The following NKAIN2 variants were observed in gnomAD, a reference collection of about 807,000 sequenced individuals.
The protein encoded by NKAIN2 is sodium/potassium-transporting ATPase subunit beta-1-interacting protein 2.
Under a neutral mutation model 32.6 loss-of-function variants are expected in NKAIN2, and 14 were observed. That is an observed-to-expected ratio of 0.43 (90% CI 0.28 to 0.67). The LOEUF (loss-of-function observed/expected upper bound fraction) is 0.67. Ranked by LOEUF, NKAIN2 falls within the 30% of genes least tolerant of loss-of-function variation. The probability of loss-of-function intolerance (pLI) is 0.17; values close to 1 mark genes in which losing one functional copy is unlikely to be tolerated. For synonymous variants in NKAIN2, 80 were observed against 87.2 expected, an observed-to-expected ratio of 0.92 and a Z score of 0.46; for missense variants, 198 against 258.3, an observed-to-expected ratio of 0.77 and a Z score of 1.60.
At chr6:124,290,076 G>A (rs1356472089) in intron 2 of NKAIN2, among the ~76,000 whole-genome samples, 3 of 151,946 alleles carry the variant, frequency 2.0e-5, no homozygotes, top group African/African-American at 4.8e-5. Context: ...ATCATTACAA[G>A]TTTAATGGAT....
At chr6:124,533,184 A>G (rs796703592) in intron 3 of NKAIN2, among the ~76,000 whole-genome samples, 8 of 152,282 alleles carry the variant, frequency 5.3e-5, no homozygotes, top group African/African-American at 1.9e-4. Context: ...TGATAAAAGG[A>G]AGAGGCAGGA....
intron 1 of NKAIN2, among the ~76,000 whole-genome samples, chr6:124,190,843 C>T (rs547649509): frequency 6.6e-6 from 1 of 152,176 alleles, no homozygotes; most frequent in East Asian, 1.9e-4. Flanking sequence ...TTTTTGAATT[C>T]TTTAGAAAAT....
At chr6:124,304,764 A>G (rs1466492555) in intron 2 of NKAIN2, among the ~76,000 whole-genome samples, 1 of 152,138 alleles carries the variant, frequency 6.6e-6, no homozygotes, top group Non-Finnish European at 1.5e-5. Flanking sequence ...AATACAAAAA[A>G]TTAGCCAGGC....
At chr6:124,028,868 C>CAT (rs1169500240) in intron 1 of NKAIN2, among the ~76,000 whole-genome samples, 2 of 34,974 alleles carry the variant, frequency 5.7e-5, no homozygotes, top group African/African-American at 8.8e-5. Context: ...TATATATACA[C>CAT]ATATATGTAT....
Position 124,714,170 on chromosome 6 carries a change from G to A in NKAIN2, c.474+55784G>A, listed in dbSNP as rs977626540. Among the ~76,000 whole-genome samples, 7 of 152,248 alleles carry A rather than the reference G, an allele frequency of 4.6e-5. No individual in the cohort carries two copies. The South Asian group carries it at 6.2e-4, about 14-fold the overall frequency. On this transcript the variant is annotated intron_variant, in intron 4 of 6. Coordinates refer to ENST00000368417, the MANE Select transcript of NKAIN2 (RefSeq NM_001040214.3). ...TAGTGGCTCTAACTTCCAGAGATTCGGATGTAATCTACATAAATATTGGAG... is the reference window on the plus strand; with the variant it reads ...TAGTGGCTCTAACTTCCAGAGATTCAGATGTAATCTACATAAATATTGGAG...
At chr6:124,226,204 ATTACT>A (rs930701686) in intron 1 of NKAIN2, among the ~76,000 whole-genome samples, 4 of 151,976 alleles carry the variant, frequency 2.6e-5, no homozygotes, top group African/African-American at 9.7e-5. Context: ...TTTAAAAAAA[ATTACT>A]TTTATGTGAG....
intron 3 of NKAIN2, among the ~76,000 whole-genome samples, chr6:124,618,865 G>A (rs923604174): frequency 2.0e-5 from 3 of 152,136 alleles, no homozygotes; most frequent in Admixed American, 6.5e-5. Flanking sequence ...AGGTTCATAT[G>A]TTATATTCAC....
intron 3 of NKAIN2, among the ~76,000 whole-genome samples, chr6:124,434,157 C>T (rs2114574175): frequency 1.3e-5 from 2 of 152,264 alleles, no homozygotes; most frequent in Middle Eastern, 6.8e-3. Flanking sequence ...TGGGTTTGGA[C>T]TCAGCATAGG....
At chr6:124,409,226 C>G (rs892219906) in intron 3 of NKAIN2, among the ~76,000 whole-genome samples, 8 of 152,164 alleles carry the variant, frequency 5.3e-5, no homozygotes, top group African/African-American at 1.9e-4. Context: ...ACTTCCAACA[C>G]TATGTTGAAT....
chr6:123,812,213 G>T (rs1019918267), intron 1 of NKAIN2, among the ~76,000 whole-genome samples: 8 of 152,030 alleles, frequency 5.3e-5, no homozygotes, highest in Non-Finnish European at 1.2e-4. Context: ...ATCTTCCATG[G>T]AACTAGCATT....
At chr6:124,233,016 A>G in intron 1 of NKAIN2, among the ~76,000 whole-genome samples, 1 of 152,172 alleles carries the variant, frequency 6.6e-6, no homozygotes, top group East Asian at 1.9e-4. Context: ...TCAGTAGGAA[A>G]GGAGAGAATT....
At chr6:124,633,988 A>G (rs1312113778) in intron 3 of NKAIN2, among the ~76,000 whole-genome samples, 1 of 151,766 alleles carries the variant, frequency 6.6e-6, no homozygotes, top group Non-Finnish European at 1.5e-5. Flanking sequence ...AAACACCACT[A>G]ACATTGATTA....
chr6:124,503,417 G>A (rs913686392), intron 3 of NKAIN2, among the ~76,000 whole-genome samples: 4 of 151,974 alleles, frequency 2.6e-5, no homozygotes, highest in Non-Finnish European at 5.9e-5. Flanking sequence ...GAGTGTTAAG[G>A]TTACTTGTGC....
chr6:124,499,296 G>A (rs1778192480), intron 3 of NKAIN2, among the ~76,000 whole-genome samples: 1 of 152,118 alleles, frequency 6.6e-6, no homozygotes, highest in Admixed American at 6.6e-5. Context: ...ACTGGAAAAT[G>A]TTGGTCCTAC....
chr6:124,122,822 CT>C (rs1436380582), intron 1 of NKAIN2, among the ~76,000 whole-genome samples: 2 of 151,984 alleles, frequency 1.3e-5, no homozygotes, highest in Admixed American at 1.3e-4. Flanking sequence ...TTATTATTCT[CT>C]TCCCCCAAAG....
rs147932324 is a variant in NKAIN2, at chr6:124,064,193, C to T, written c.55-218812C>T. Reference sequence around the variant, plus strand: ...TTCTCGATTTCCTGACCTTGTCATCCGCCCACCTCAGCCTCCCAAAGTTAA... The same window carrying T: ...TTCTCGATTTCCTGACCTTGTCATCTGCCCACCTCAGCCTCCCAAAGTTAA... On this transcript the variant is annotated intron_variant, in intron 1 of 6. Transcript: ENST00000368417. Among the ~76,000 whole-genome samples, 581 of 152,080 alleles carry T rather than the reference C, an allele frequency of 3.8e-3. 2 individuals carry two copies. Among genetic ancestry groups the T allele is most frequent in the African/African-American group, 0.014 (561 of 41,502 alleles).
intron 1 of NKAIN2, among the ~76,000 whole-genome samples, chr6:124,004,047 C>A (rs866526271): frequency 2.8e-4 from 43 of 152,288 alleles, no homozygotes; most frequent in Middle Eastern, 3.4e-3. Flanking sequence ...ACTAAAATAT[C>A]GAGCTAATTC....
chr6:124,636,970 C>T (rs915703925), intron 3 of NKAIN2, among the ~76,000 whole-genome samples: 16 of 151,980 alleles, frequency 1.1e-4, no homozygotes, highest in Non-Finnish European at 2.1e-4. Flanking sequence ...ATCTGGTGAA[C>T]ATGGATGCAA....
intron 3 of NKAIN2, among the ~76,000 whole-genome samples, chr6:124,370,144 A>G (rs1583141482): frequency 1.3e-5 from 2 of 151,194 alleles, no homozygotes; most frequent in South Asian, 4.2e-4. Context: ...GTAGTTCAGT[A>G]CGCTACAGGT....
Sources: allele counts gnomAD v4.1 joint callset (sites outside exome capture counted in the v4.1 genomes callset), GRCh38; gene constraint gnomAD v4.1.1; transcripts MANE v1.5; gene names NCBI Gene and HGNC (gene_info 2026-07-23, HGNC 2026-07-21).